The following OLFM3 variants were observed in gnomAD, a reference collection of about 807,000 sequenced individuals.
OLFM3 encodes the protein olfactomedin 3.
OLFM3 carries 20 observed loss-of-function variants against 48.6 expected under a neutral mutation model. The observed-to-expected ratio is 0.41, with a 90% CI of 0.29 to 0.60. The LOEUF is 0.60. OLFM3 is among the 20% of genes least tolerant of loss of function. The pLI is 0.28. For missense variants in OLFM3, 437 were observed against 544.3 expected (o/e 0.80, Z 1.96); for synonymous variants, 222 against 198.1 (o/e 1.12, Z -1.01).
chr1:101,887,457 T>C (rs907003672), intron 1 of OLFM3, among the ~76,000 whole-genome samples: 20 of 151,914 alleles, frequency 1.3e-4, no homozygotes, highest in Non-Finnish European at 2.4e-4. Flanking sequence ...AAATCATTAA[T>C]AGGAAGAATA....
At chr1:101,910,070 C>G in intron 1 of OLFM3, 2 of 985,548 alleles carry the variant, frequency 2.0e-6, no homozygotes, top group Non-Finnish European at 2.4e-6. Context: ...TGCTTTCCTC[C>G]TTCTGCTTCT....
intron 4 of OLFM3, chr1:101,812,732 T>G: frequency 2.0e-6 from 2 of 987,382 alleles, no homozygotes; most frequent in Non-Finnish European, 2.4e-6. Context: ...GGACAGAATT[T>G]GTACCGGAGG....
At chr1:101,812,937 C>T in intron 4 of OLFM3, 18 of 1,014,036 alleles carry the variant, frequency 1.8e-5, no homozygotes, top group Non-Finnish European at 2.1e-5. Flanking sequence ...AGGGTAAAAA[C>T]AATAGTTACT....
rs570726728 is a variant in OLFM3 at position 101,819,638 on chromosome 1, CTT to C, written c.592+5386_592+5387del. ...GAAGAATTAAGAATGAATCTAGCCTCTTTTTTTTCTACAACAATTGGGTGGAT... is the reference window on the plus strand; with the variant it reads ...GAAGAATTAAGAATGAATCTAGCCTCTTTTTTCTACAACAATTGGGTGGAT... On this transcript the variant is annotated intron_variant, in intron 4 of 5. Transcript: ENST00000370103. Among the ~76,000 whole-genome samples, 9 of 151,670 alleles carry C rather than the reference CTT, an allele frequency of 5.9e-5. No homozygotes were observed. In the South Asian group the frequency reaches 1.9e-3, roughly 32 times the overall value.
intron 1 of OLFM3, among the ~76,000 whole-genome samples, chr1:101,887,228 G>GAA (rs199654575): frequency 6.7e-6 from 1 of 148,354 alleles, no homozygotes; most frequent in African/African-American, 2.5e-5. Context: ...TCCATGAATG[G>GAA]AAAAAAAAAC....
intron 1 of OLFM3, among the ~76,000 whole-genome samples, chr1:101,967,986 C>T (rs1386781448): frequency 6.6e-6 from 1 of 152,158 alleles, no homozygotes; most frequent in Non-Finnish European, 1.5e-5. Context: ...AAACCCTTAA[C>T]TTCTCCTTTT....
At chr1:101,920,819 C>T (rs1273366368) in intron 1 of OLFM3, among the ~76,000 whole-genome samples, 1 of 152,208 alleles carries the variant, frequency 6.6e-6, no homozygotes, top group Non-Finnish European at 1.5e-5. Flanking sequence ...CTGGCTGCTG[C>T]TAACAGCAAC....
chr1:101,808,937 G>C (rs998908674), intron 4 of OLFM3, among the ~76,000 whole-genome samples: 1 of 151,642 alleles, frequency 6.6e-6, no homozygotes, highest in African/African-American at 2.4e-5. Context: ...AATATATACT[G>C]AGTATTGTAA....
intron 1 of OLFM3, among the ~76,000 whole-genome samples, chr1:101,868,192 G>T (rs1282242669): frequency 6.6e-6 from 1 of 152,154 alleles, no homozygotes; most frequent in Non-Finnish European, 1.5e-5. Flanking sequence ...TTGCTGTAAA[G>T]ATACTCAAAA....
intron 4 of OLFM3, among the ~76,000 whole-genome samples, chr1:101,811,259 T>TTTC (rs1183400269): frequency 6.6e-6 from 1 of 152,072 alleles, no homozygotes; most frequent in Non-Finnish European, 1.5e-5. Flanking sequence ...CTTCAAGTTC[T>TTTC]TTCTATTGTC....
intron 1 of OLFM3, among the ~76,000 whole-genome samples, chr1:101,949,085 G>T (rs923290123): frequency 1.3e-5 from 2 of 151,754 alleles, no homozygotes; most frequent in African/African-American, 4.8e-5. Flanking sequence ...TATTTTGCCT[G>T]TTTTTAATTG....
At chr1:101,853,795 G>A (rs1023427501) in intron 1 of OLFM3, among the ~76,000 whole-genome samples, 1 of 152,074 alleles carries the variant, frequency 6.6e-6, no homozygotes, top group African/African-American at 2.4e-5. Context: ...GGACCTATAC[G>A]TGGGTAATGG....
intron 1 of OLFM3, among the ~76,000 whole-genome samples, chr1:101,949,480 C>A (rs910712999): frequency 2.0e-5 from 3 of 152,152 alleles, no homozygotes; most frequent in Admixed American, 1.3e-4. Flanking sequence ...ATCAGAGCCA[C>A]CCTCACACTT....
intron 1 of OLFM3, among the ~76,000 whole-genome samples, chr1:101,863,537 G>T (rs1234668788): frequency 6.6e-6 from 1 of 152,130 alleles, no homozygotes; most frequent in African/African-American, 2.4e-5. Flanking sequence ...CATTCTTGCT[G>T]GTTAATCTTA....
intron 1 of OLFM3, among the ~76,000 whole-genome samples, chr1:101,982,637 G>A (rs1199950328): frequency 6.6e-6 from 1 of 152,120 alleles, no homozygotes; most frequent in Non-Finnish European, 1.5e-5. Flanking sequence ...TTCCAATCTG[G>A]TGCAGGCCTG....
chr1:101,898,963 C>T (rs926908399), intron 1 of OLFM3, among the ~76,000 whole-genome samples: 1 of 152,162 alleles, frequency 6.6e-6, no homozygotes, highest in African/African-American at 2.4e-5. Flanking sequence ...AGGTGGCATG[C>T]AGTACACAGA....
At chr1:101,849,235 G>A (rs773066948) in intron 1 of OLFM3, among the ~76,000 whole-genome samples, 26 of 152,226 alleles carry the variant, frequency 1.7e-4, no homozygotes, top group Non-Finnish European at 3.1e-4. Flanking sequence ...TTTGCAAAGA[G>A]CTAAATAGTT....
intron 1 of OLFM3, among the ~76,000 whole-genome samples, chr1:101,946,663 T>C (rs1402029241): frequency 2.0e-5 from 3 of 152,182 alleles, no homozygotes; most frequent in Admixed American, 6.5e-5. Context: ...TTATATTAAA[T>C]AGTGTATCAG....
chr1:101,893,232 T>G, intron 1 of OLFM3: 1 of 295,912 alleles, frequency 3.4e-6, no homozygotes, highest in South Asian at 3.8e-5. Flanking sequence ...TTGTGACAGG[T>G]GTGAAGACAG....
Sources: gnomAD v4.1 joint callset for allele counts (sites outside exome capture counted in the v4.1 genomes callset) on GRCh38, gnomAD v4.1.1 for gene constraint, MANE v1.5 for transcripts, NCBI Gene and HGNC (gene_info 2026-07-23, HGNC 2026-07-21) for gene names.